PAFAH1B1: variants seen among roughly 807,000 people sequenced by gnomAD.
PAFAH1B1 encodes the protein platelet activating factor acetylhydrolase 1b regulatory subunit 1.
PAFAH1B1 carries 2 observed loss-of-function variants against 57.5 expected under a neutral mutation model. The observed-to-expected ratio is 0.03, with a 90% CI of 0.01 to 0.11. The LOEUF (loss-of-function observed/expected upper bound fraction) is 0.11, where lower values mean the gene tolerates loss of function less well. Among genes scored for constraint, PAFAH1B1 ranks in the 10% least tolerant of loss-of-function variants. The pLI is 1.00. For synonymous variants in PAFAH1B1, 152 were observed against 169.6 expected (o/e 0.90, Z 0.81); for missense variants, 257 against 512.0 (o/e 0.50, Z 4.81).
At chr17:2,604,278 T>TC (rs1010359532) in intron 1 of PAFAH1B1, among the ~76,000 whole-genome samples, 4 of 151,840 alleles carry the variant, frequency 2.6e-5, no homozygotes, top group African/African-American at 7.3e-5. Flanking sequence ...CCTCAAGTGA[T>TC]CCCCCCGCCT....
At position 2,666,436 on chromosome 17, in the gene PAFAH1B1, C is replaced by A. The variant is rs904923477; in HGVS notation, c.192+346C>A. Reference sequence around the variant, plus strand: ...GTGCTCGTAGACAAGTTGTTTTTATCTCTGAGCTTTTATTTTTATCTGTAA... The same window carrying A: ...GTGCTCGTAGACAAGTTGTTTTTATATCTGAGCTTTTATTTTTATCTGTAA... On this transcript the variant is annotated intron_variant, in intron 4 of 10. Coordinates refer to ENST00000397195, the MANE Select transcript of PAFAH1B1 (RefSeq NM_000430.4). 2.0e-5 allele frequency among the ~76,000 whole-genome samples: 3 copies of A among 152,150 alleles called. No individual in the cohort carries two copies. In the South Asian group the frequency reaches 6.2e-4, roughly 32 times the overall value.
At chr17:2,623,752 A>AGGTAGCTGGGATTCCAGCCAC (rs2068453510) in intron 1 of PAFAH1B1, among the ~76,000 whole-genome samples, 1 of 96,894 alleles carries the variant, frequency 1.0e-5, no homozygotes, top group African/African-American at 3.8e-5. Flanking sequence ...CTCAGCCTCC[A>AGGTAGCTGGGATTCCAGCCAC]GGTAGCTGGG....
intron 1 of PAFAH1B1, among the ~76,000 whole-genome samples, chr17:2,610,305 A>T (rs1051815666): frequency 1.3e-5 from 2 of 152,218 alleles, no homozygotes; most frequent in Non-Finnish European, 2.9e-5. Flanking sequence ...AAGGAGAAAG[A>T]AGAAACAAAA....
intron 5 of PAFAH1B1, among the ~76,000 whole-genome samples, chr17:2,669,265 A>ATTT (rs563171022): frequency 1.7e-4 from 24 of 142,638 alleles, no homozygotes; most frequent in African/African-American, 5.2e-4. Flanking sequence ...AGCAATTAGA[A>ATTT]TTTTTTTTTT....
intron 1 of PAFAH1B1, among the ~76,000 whole-genome samples, chr17:2,614,580 G>C: frequency 6.6e-6 from 1 of 152,084 alleles, no homozygotes; most frequent in Non-Finnish European, 1.5e-5. Flanking sequence ...CTTCTTGAAG[G>C]ATTTTTAAAG....
In PAFAH1B1 at chr17:2,660,099, T is replaced by TACCTTCCC. The variant is rs143380776; in HGVS notation, c.33-5271_33-5264dup. 5.0e-3 allele frequency among the ~76,000 whole-genome samples: 767 copies of TACCTTCCC among 152,248 alleles called. 8 individuals are homozygous for TACCTTCCC. Among genetic ancestry groups the TACCTTCCC allele is most frequent in the African/African-American group, 0.018 (735 of 41,536 alleles). On this transcript the variant is annotated intron_variant, in intron 2 of 10. Transcript: ENST00000397195. ...CTTGATACTGCCTGGTCTTTTGTGTTACCTTCCCAGAGCCTTCAACAGCCC... is the reference window on the plus strand; with the variant it reads ...CTTGATACTGCCTGGTCTTTTGTGTTACCTTCCCACCTTCCCAGAGCCTTCAACAGCCC...
At position 2,593,842 on chromosome 17, in the gene PAFAH1B1, C is replaced by T. The variant is rs1597502486; in HGVS notation, c.-355C>T. ...CCCCGGAACGGCTGAGGAGCCCGCCCGCTCCCCTCCCCTCCCCCTCCCCGG... is the reference window on the plus strand; with the variant it reads ...CCCCGGAACGGCTGAGGAGCCCGCCTGCTCCCCTCCCCTCCCCCTCCCCGG... On this transcript the variant is annotated 5_prime_UTR_variant, in exon 1 of 11. Coordinates refer to ENST00000397195, the MANE Select transcript of PAFAH1B1 (RefSeq NM_000430.4). 1 of 352,536 alleles carries T rather than the reference C, an allele frequency of 2.8e-6. No homozygotes were observed. Among genetic ancestry groups the T allele is most frequent in the Admixed American group, 4.7e-5 (1 of 21,430 alleles). 21.8% of individuals were successfully genotyped at this position (352,536 alleles called of 1,614,324 possible).
chr17:2,666,078 A>G lies in PAFAH1B1; in HGVS notation c.180A>G (p.Arg60=). The change falls in exon 4 of 11, where the codon AGA becomes AGG. Residue 60 remains arginine (R), a synonymous_variant. Coordinates refer to ENST00000397195, the MANE Select transcript of PAFAH1B1 (RefSeq NM_000430.4). The stretch of plus-strand genomic sequence containing the variant: ...AAAAAAAATGGACATCTGTTATTAG[A>G]TTACAAAAGAAGGTAACTAAGTCTT... ...LLEKKWTSVI[R]LQKKVMELES... The G allele has an allele frequency of 6.6e-7, 1 of 1,510,794 alleles. No homozygotes were observed. The highest frequency in any genetic ancestry group is 9.1e-7 in the Non-Finnish European group (1 of 1,102,784). 93.6% of individuals were successfully genotyped at this position (1,510,794 alleles called of 1,614,324 possible).
chr17:2,670,222 A>C lies in PAFAH1B1; in HGVS notation c.459A>C (p.Val153=). 1.2e-6 allele frequency: 2 copies of C among 1,614,102 alleles called. No individual in the cohort carries two copies. Among genetic ancestry groups the C allele is most frequent in the Non-Finnish European group, 1.7e-6 (2 of 1,179,934 alleles). ...CTCTTAAAGGACATACAGACTCTGT[A>C]CAGGACATTTCATTCGACCACAGCG... is the stretch of plus-strand genomic sequence containing the variant. ...ERTLKGHTDS[V]QDISFDHSGK... The change falls in exon 6 of 11, where the codon GTA becomes GTC. Residue 153 remains valine (V), a synonymous_variant. Coordinates refer to ENST00000397195, the MANE Select transcript of PAFAH1B1 (RefSeq NM_000430.4).
At chr17:2,597,800 C>G (rs186131896) in intron 1 of PAFAH1B1, among the ~76,000 whole-genome samples, 21 of 134,822 alleles carry the variant, frequency 1.6e-4, no homozygotes, top group South Asian at 4.7e-4. Flanking sequence ...GTGTGTGTGT[C>G]TGTCTGTCTG....
At chr17:2,635,375 T>A (rs1266254145) in intron 1 of PAFAH1B1, 1 of 152,136 alleles carries the variant, frequency 6.6e-6, no homozygotes, top group Non-Finnish European at 1.5e-5. Flanking sequence ...TTATTTTTAT[T>A]TCTTAAGAGA....
chr17:2,627,244 AT>A (rs2068505592), intron 1 of PAFAH1B1, among the ~76,000 whole-genome samples: 1 of 152,176 alleles, frequency 6.6e-6, no homozygotes, highest in African/African-American at 2.4e-5. Flanking sequence ...TAAGTCCTTA[AT>A]TCATCCTGAG....
intron 2 of PAFAH1B1, among the ~76,000 whole-genome samples, chr17:2,657,333 C>CT (rs1256896956): frequency 6.6e-6 from 1 of 152,138 alleles, no homozygotes; most frequent in Non-Finnish European, 1.5e-5. Context: ...AATACTCCAC[C>CT]TCCCAGGTTC....
At chr17:2,616,860 G>T (rs905664277) in intron 1 of PAFAH1B1, among the ~76,000 whole-genome samples, 2 of 151,530 alleles carry the variant, frequency 1.3e-5, no homozygotes, top group African/African-American at 4.9e-5. Flanking sequence ...TCAAGAGATC[G>T]AGACCATCCT....
intron 2 of PAFAH1B1, among the ~76,000 whole-genome samples, chr17:2,652,382 T>C (rs147426198): frequency 0.025 from 3,746 of 152,348 alleles, 71 homozygotes; most frequent in Middle Eastern, 0.054. Flanking sequence ...GCCACTGCAC[T>C]CCAGCCTGGG....
intron 1 of PAFAH1B1, among the ~76,000 whole-genome samples, chr17:2,624,591 T>C (rs976940227): frequency 1.3e-5 from 2 of 152,180 alleles, no homozygotes; most frequent in Admixed American, 1.3e-4. Context: ...CTTGTGAGAC[T>C]TACTATCGCA....
Position 2,654,954 on chromosome 17 carries a change from CT to C in PAFAH1B1, c.33-10404del, listed in dbSNP as rs563890350. ...ACCCTGCGTGGCTTTTTTTTTTCTT[CT>C]TTTTTTTTTTTTTAAAAGAGACAGG... On this transcript the variant is annotated intron_variant, in intron 2 of 10. Coordinates refer to ENST00000397195, the MANE Select transcript of PAFAH1B1 (RefSeq NM_000430.4). Among the ~76,000 whole-genome samples, 1,032 of 133,680 alleles carry C rather than the reference CT, an allele frequency of 7.7e-3. 5 individuals are homozygous for C. Among genetic ancestry groups the C allele is most frequent in the African/African-American group, 0.018 (683 of 37,122 alleles). 87.7% of individuals were successfully genotyped at this position (133,680 alleles called of 152,430 possible).
intron 1 of PAFAH1B1, among the ~76,000 whole-genome samples, chr17:2,601,051 T>G (rs2151608348): frequency 6.6e-6 from 1 of 152,154 alleles, no homozygotes; most frequent in Admixed American, 6.6e-5. Context: ...TTTTTATGGG[T>G]GAGGAAAGGC....
intron 1 of PAFAH1B1, among the ~76,000 whole-genome samples, chr17:2,616,584 T>G (rs1375437993): frequency 1.3e-5 from 2 of 152,238 alleles, no homozygotes; most frequent in African/African-American, 4.8e-5. Flanking sequence ...ATTATAAAGA[T>G]AATTGACTTT....
Sources: allele counts gnomAD v4.1 joint callset (sites outside exome capture counted in the v4.1 genomes callset), GRCh38; gene constraint gnomAD v4.1.1; transcripts MANE v1.5; gene names NCBI Gene and HGNC (gene_info 2026-07-23, HGNC 2026-07-21).